TENM2: variants seen among roughly 807,000 people sequenced by gnomAD.
TENM2 encodes teneurin transmembrane protein 2, also known as teneurin-2.
Under a neutral mutation model 245.2 loss-of-function variants are expected in TENM2, and 52 were observed. That is an observed-to-expected ratio of 0.21 (90% CI 0.17 to 0.27). TENM2 has a LOEUF of 0.27. TENM2 is among the 10% of genes least tolerant of loss of function. The pLI, the probability that TENM2 is intolerant of heterozygous loss-of-function variation, is 1.00. For synonymous variants in TENM2, 1,363 were observed against 1,438.9 expected, an observed-to-expected ratio of 0.95 and a Z score of 1.19; for missense variants, 3,046 against 3,666.8, an observed-to-expected ratio of 0.83 and a Z score of 4.37.
chr5:167,021,916 A>G, the TENM2 span, among the ~76,000 whole-genome samples: 1 of 152,192 alleles, frequency 6.6e-6, no homozygotes, highest in African/African-American at 2.4e-5. Flanking sequence ...TAGAAACAAA[A>G]AGATTAAGCA....
intron 1 of TENM2, chr5:167,287,319 T>A (rs185287107): frequency 1.0e-3 from 157 of 152,334 alleles, no homozygotes; most frequent in African/African-American, 3.7e-3. Context: ...ATAATTTTTT[T>A]AAATGTCATG....
chr5:167,525,509 G>C (rs1397223554), intron 2 of TENM2, among the ~76,000 whole-genome samples: 3 of 152,018 alleles, frequency 2.0e-5, no homozygotes, highest in African/African-American at 7.2e-5. Flanking sequence ...GAGTGTGCTG[G>C]TAATTCCTTA....
chr5:167,872,490 AAG>A (rs779696929), intron 2 of TENM2, among the ~76,000 whole-genome samples: 8,993 of 32,694 alleles, frequency 0.28, 413 homozygotes, highest in East Asian at 0.49. Flanking sequence ...AAGAAAAAGA[AAG>A]AAAGAAAGAA....
At chr5:168,113,578 A>G (rs2152321261) in intron 9 of TENM2, among the ~76,000 whole-genome samples, 1 of 135,856 alleles carries the variant, frequency 7.4e-6, no homozygotes, top group Non-Finnish European at 1.5e-5. Flanking sequence ...AGTAAATAAC[A>G]CTGATAATTC....
the TENM2 span, among the ~76,000 whole-genome samples, chr5:167,202,574 C>T: frequency 2.7e-4 from 41 of 152,120 alleles, no homozygotes; most frequent in Non-Finnish European, 5.4e-4. Context: ...ATAATCATGT[C>T]CACAGTTGAA....
intron 2 of TENM2, among the ~76,000 whole-genome samples, chr5:167,729,664 T>A (rs1235884531): frequency 6.6e-6 from 1 of 152,236 alleles, no homozygotes; most frequent in African/African-American, 2.4e-5. Flanking sequence ...ATAGTGACTA[T>A]CTAAGGCCTG....
upstream of TENM2, among the ~76,000 whole-genome samples, chr5:167,282,454 A>G (rs1158890349): frequency 6.6e-6 from 1 of 152,220 alleles, no homozygotes; most frequent in Non-Finnish European, 1.5e-5. Flanking sequence ...ACATTTTTAA[A>G]ATCATTCAGA....
At chr5:167,291,449 G>A (rs533892197) in intron 1 of TENM2, among the ~76,000 whole-genome samples, 3 of 152,150 alleles carry the variant, frequency 2.0e-5, no homozygotes, top group Admixed American at 6.5e-5. Flanking sequence ...TCTTTGGAGC[G>A]ATCTCTTTGA....
Position 167,825,996 on chromosome 5 carries a change from C to T in TENM2, c.503-49990C>T, listed in dbSNP as rs115764322. Reference sequence around the variant, plus strand: ...TTTGTTCATTTTTCAGCACTTACTCCTTCCCGCAGCCCAACACGTCGTGTA... The same window carrying T: ...TTTGTTCATTTTTCAGCACTTACTCTTTCCCGCAGCCCAACACGTCGTGTA... On this transcript the variant is annotated intron_variant, in intron 2 of 28. Coordinates refer to ENST00000518659, the Ensembl canonical transcript of TENM2. 8.8e-3 allele frequency among the ~76,000 whole-genome samples: 1,345 copies of T among 152,202 alleles called. 22 individuals are homozygous for T. The highest frequency in any genetic ancestry group is 0.031 in the African/African-American group (1,268 of 41,518).
intron 2 of TENM2, among the ~76,000 whole-genome samples, chr5:167,495,556 C>A (rs1344137876): frequency 6.6e-6 from 1 of 152,038 alleles, no homozygotes; most frequent in Non-Finnish European, 1.5e-5. Context: ...GGGTAATGGG[C>A]ATTGGGAAAT....
chr5:167,270,321 A>T, the TENM2 span, among the ~76,000 whole-genome samples: 16,954 of 152,122 alleles, frequency 0.11, 1,110 homozygotes, highest in East Asian at 0.19. Context: ...TCATGGCCAG[A>T]TGGTAGTAGT....
intron 2 of TENM2, among the ~76,000 whole-genome samples, chr5:167,516,859 A>G (rs974245639): frequency 5.3e-5 from 8 of 152,216 alleles, no homozygotes; most frequent in African/African-American, 1.9e-4. Flanking sequence ...TTGCTTTACA[A>G]TGGCCACGAG....
rs1554230375 is a variant in TENM2 at position 168,238,268 on chromosome 5, A to AGAAAG, written c.5521-6148_5521-6147insGGAAA. Among the ~76,000 whole-genome samples, 1,100 of 120,822 alleles carry AGAAAG rather than the reference A, an allele frequency of 9.1e-3. 167 individuals carry two copies. The highest frequency in any genetic ancestry group is 0.042 in the East Asian group (110 of 2,608). 79.3% of individuals were successfully genotyped at this position (120,822 alleles called of 152,430 possible). On this transcript the variant is annotated intron_variant, in intron 25 of 28. Transcript: ENST00000518659. ...AGAAAAGAAAAGAAAAGAAAAGAAAAGAAAAGAAAAGAAAAGAAAAGAAAA... is the reference window on the plus strand; with the variant it reads ...AGAAAAGAAAAGAAAAGAAAAGAAAAGAAAGGAAAAGAAAAGAAAAGAAAAGAAAA...
intron 2 of TENM2, among the ~76,000 whole-genome samples, chr5:167,792,307 G>T (rs1293552771): frequency 1.3e-5 from 2 of 152,022 alleles, no homozygotes; most frequent in Non-Finnish European, 2.9e-5. Flanking sequence ...CACAGGATCA[G>T]CCATTGCCTT....
intron 20 of TENM2, among the ~76,000 whole-genome samples, chr5:168,214,032 G>C (rs1057189859): frequency 3.9e-5 from 6 of 152,192 alleles, no homozygotes; most frequent in Non-Finnish European, 7.3e-5. Flanking sequence ...GCAGGGTTTT[G>C]AGCCAGAAGG....
intron 2 of TENM2, among the ~76,000 whole-genome samples, chr5:167,396,723 G>T (rs1238468543): frequency 2.0e-5 from 3 of 152,154 alleles, no homozygotes; most frequent in South Asian, 2.1e-4. Flanking sequence ...GGAAGAACAA[G>T]ATTTCTACTG....
chr5:167,917,060 G>A (rs1000343881), intron 3 of TENM2, among the ~76,000 whole-genome samples: 3 of 152,186 alleles, frequency 2.0e-5, no homozygotes, highest in African/African-American at 7.2e-5. Context: ...TCAGGGAAAG[G>A]CCTTTGTTTG....
chr5:168,152,775 C>T (rs1302640745), intron 12 of TENM2, among the ~76,000 whole-genome samples: 4 of 152,190 alleles, frequency 2.6e-5, no homozygotes, highest in African/African-American at 7.2e-5. Context: ...CTCTTCTACT[C>T]GCTGGGTACC....
chr5:167,678,166 C>A (rs566277459), intron 2 of TENM2, among the ~76,000 whole-genome samples: 1 of 152,108 alleles, frequency 6.6e-6, no homozygotes, highest in South Asian at 2.1e-4. Context: ...ATGACTGTCT[C>A]TAGATAATGG....
Sources: allele counts gnomAD v4.1 joint callset (sites outside exome capture counted in the v4.1 genomes callset), GRCh38; gene constraint gnomAD v4.1.1; transcripts MANE v1.5; gene names NCBI Gene and HGNC (gene_info 2026-07-23, HGNC 2026-07-21).